The following HERC4 variants were observed in gnomAD, a reference collection of about 807,000 sequenced individuals.
HERC4 encodes HECT and RLD domain containing E3 ubiquitin protein ligase 4.
In HERC4, 28 loss-of-function variants were observed where a neutral mutation model predicts 124.3. The ratio of observed to expected loss-of-function variants is 0.23; its 90% CI spans 0.17 to 0.31. The LOEUF (loss-of-function observed/expected upper bound fraction) is 0.31, where lower values mean the gene tolerates loss of function less well. HERC4 is among the 10% of genes least tolerant of loss of function. HERC4 has a pLI of 1.00. For synonymous variants in HERC4, 407 were observed against 421.5 expected, an observed-to-expected ratio of 0.97 and a Z score of 0.42; for missense variants, 713 against 1,229.3, an observed-to-expected ratio of 0.58 and a Z score of 6.28.
chr10:68,028,412 A>G (rs1165863068), intron 7 of HERC4, among the ~76,000 whole-genome samples: 3 of 152,166 alleles, frequency 2.0e-5, no homozygotes, highest in African/African-American at 7.2e-5. Context: ...CTCGATATCC[A>G]GTGAAAGCTC....
At chr10:68,061,199 T>C (rs568366670) in intron 3 of HERC4, among the ~76,000 whole-genome samples, 22 of 152,280 alleles carry the variant, frequency 1.4e-4, no homozygotes, top group Admixed American at 1.4e-3. Context: ...CCTATGTCAT[T>C]GCACCTTCTG....
At chr10:67,992,488 T>A in intron 10 of HERC4, 118 bp downstream of exon 10, 1 of 1,122,384 alleles carries the variant, frequency 8.9e-7, no homozygotes, top group Non-Finnish European at 1.3e-6. Flanking sequence ...TCTGTAGACT[T>A]AAGGGGAAAA....
chr10:68,039,388 T>C, intron 4 of HERC4: 1 of 1,544,428 alleles, frequency 6.5e-7, no homozygotes, highest in Non-Finnish European at 8.7e-7. Context: ...ATGTTTCTTA[T>C]TTCCCTTTAC....
intron 19 of HERC4, among the ~76,000 whole-genome samples, chr10:67,942,538 T>C (rs887642625): frequency 1.3e-5 from 2 of 152,068 alleles, no homozygotes; most frequent in African/African-American, 2.4e-5. Flanking sequence ...TGAGATGGAG[T>C]TTCACTCTTG....
intron 3 of HERC4, among the ~76,000 whole-genome samples, chr10:68,063,051 C>T (rs1268009017): frequency 6.6e-6 from 1 of 152,116 alleles, no homozygotes; most frequent in East Asian, 1.9e-4. Context: ...GCTTAGTATA[C>T]TATCTCTACA....
At chr10:68,037,514 C>T (rs746100570) in intron 5 of HERC4, among the ~76,000 whole-genome samples, 37 of 152,242 alleles carry the variant, frequency 2.4e-4, no homozygotes, top group Middle Eastern at 3.4e-3. Flanking sequence ...GCAAACAAAG[C>T]TAATAAATAT....
At chr10:67,935,010 C>T (rs2032212490) in intron 22 of HERC4, among the ~76,000 whole-genome samples, 2 of 150,928 alleles carry the variant, frequency 1.3e-5, no homozygotes, top group Non-Finnish European at 2.9e-5. Context: ...GGATGTCACG[C>T]ATCATTCTGA....
intron 7 of HERC4, among the ~76,000 whole-genome samples, chr10:68,026,841 A>C (rs938534258): frequency 1.4e-5 from 2 of 142,720 alleles, no homozygotes; most frequent in Non-Finnish European, 3.0e-5. Flanking sequence ...ACTCCGTCTC[A>C]AAAAAAAAAA....
chr10:67,974,111 C>T (rs959002447), intron 15 of HERC4, among the ~76,000 whole-genome samples: 4 of 131,558 alleles, frequency 3.0e-5, no homozygotes, highest in Non-Finnish European at 4.9e-5. Context: ...CACACACACA[C>T]ACACACACAT....
At chr10:68,010,072 C>G (rs776510872) in intron 9 of HERC4, 2 of 595,662 alleles carry the variant, frequency 3.4e-6, no homozygotes, top group East Asian at 3.8e-5. Flanking sequence ...CCCCTGCCCC[C>G]ACCCTTTGTG....
intron 23 of HERC4, among the ~76,000 whole-genome samples, chr10:67,931,469 T>C (rs540700089): frequency 6.6e-6 from 1 of 152,020 alleles, no homozygotes; most frequent in East Asian, 2.0e-4. Flanking sequence ...GGGCTTTTTT[T>C]TGGAGAGTGC....
intron 23 of HERC4, among the ~76,000 whole-genome samples, chr10:67,929,728 TG>T: frequency 6.6e-6 from 1 of 152,194 alleles, no homozygotes; most frequent in Middle Eastern, 3.4e-3. Context: ...TTGTCCAGGC[TG>T]GTCTTGAACT....
intron 15 of HERC4, among the ~76,000 whole-genome samples, chr10:67,980,795 C>T (rs2035884795): frequency 6.6e-6 from 1 of 151,980 alleles, no homozygotes; most frequent in African/African-American, 2.4e-5. Flanking sequence ...CTTCTTTTTG[C>T]TTATTTGTTT....
At chr10:67,946,275 T>C (rs1003822316) in intron 19 of HERC4, among the ~76,000 whole-genome samples, 3 of 145,640 alleles carry the variant, frequency 2.1e-5, no homozygotes, top group African/African-American at 7.6e-5. Flanking sequence ...CAAGAGTAAC[T>C]CCTTATCAAT....
At chr10:67,999,153 TG>T (rs1194576454) in intron 9 of HERC4, among the ~76,000 whole-genome samples, 7 of 152,250 alleles carry the variant, frequency 4.6e-5, no homozygotes, top group Admixed American at 3.9e-4. Context: ...ATTATTAAGT[TG>T]TATCTCAAGA....
At chr10:68,008,384 G>A (rs1358705191) in intron 9 of HERC4, among the ~76,000 whole-genome samples, 1 of 152,086 alleles carries the variant, frequency 6.6e-6, no homozygotes, top group East Asian at 1.9e-4. Context: ...TTATCTTCAG[G>A]GCAGCAGCTT....
chr10:68,010,875 G>C (rs890286176), intron 9 of HERC4: 1 of 1,488,072 alleles, frequency 6.7e-7, no homozygotes, highest in African/African-American at 1.4e-5. Flanking sequence ...AGATGTCCTG[G>C]GACTGGATGA....
chr10:68,069,822 C>A, intron 3 of HERC4: 1 of 773,068 alleles, frequency 1.3e-6, no homozygotes, highest in Non-Finnish European at 1.6e-6. Context: ...GCGGGCAGAT[C>A]ACAAGGTCAG....
rs1159258963 is a variant in HERC4 at position 67,955,009 on chromosome 10, T to G, written c.2147A>C (p.Glu716Ala). The G allele has an allele frequency of 6.2e-7, 1 of 1,602,364 alleles. No individual in the cohort carries two copies. The highest frequency in any genetic ancestry group is 8.5e-7 in the Non-Finnish European group (1 of 1,176,068). ...TATGTTCTTTGTTTTCCTAAGGACT[T>G]CCATTGCATCTCCTACAATATTTTC... is the stretch of plus-strand genomic sequence containing the variant. ...RRENIVGDAM[E>A]VLRKTKNIDY... The change falls in exon 18 of 25, where the codon GAA becomes GCA. Residue 716 changes from glutamate to alanine, a missense_variant. By Grantham distance (107) the Glu-to-Ala change is moderately radical (BLOSUM62 -1). Transcript: ENST00000373700.
Sources: gnomAD v4.1 joint callset for allele counts (sites outside exome capture counted in the v4.1 genomes callset) on GRCh38, gnomAD v4.1.1 for gene constraint, MANE v1.5 for transcripts, NCBI Gene and HGNC (gene_info 2026-07-23, HGNC 2026-07-21) for gene names.